The following PATL1 variants were observed in gnomAD, a reference collection of about 807,000 sequenced individuals.
PATL1 encodes PAT1 homolog 1, processing body mRNA decay factor.
In PATL1, 32 loss-of-function variants were observed where a neutral mutation model predicts 100.6. The ratio of observed to expected loss-of-function variants is 0.32; its 90% CI spans 0.24 to 0.43. PATL1 has a LOEUF of 0.43. Ranked by LOEUF, PATL1 falls within the 20% of genes least tolerant of loss-of-function variation. PATL1 has a pLI of 1.00. For missense variants in PATL1, 747 were observed against 949.9 expected (o/e 0.79, Z 2.81); for synonymous variants, 332 against 330.0 (o/e 1.01, Z -0.07).
intron 16 of PATL1, among the ~76,000 whole-genome samples, chr11:59,641,040 C>T (rs532851065): frequency 1.2e-4 from 18 of 152,064 alleles, no homozygotes; most frequent in African/African-American, 3.1e-4. Context: ...GGTATGGTGG[C>T]GGGCACCTGT....
chr11:59,640,716 T>A (rs1490297950), intron 16 of PATL1, among the ~76,000 whole-genome samples: 2 of 144,342 alleles, frequency 1.4e-5, no homozygotes, highest in Non-Finnish European at 3.0e-5. Flanking sequence ...CAAGACTCTA[T>A]CTCAAAAGAA....
At chr11:59,639,407 C>G in intron 16 of PATL1, 24 bp from the exon 17 acceptor site, 2 of 1,523,472 alleles carry the variant, frequency 1.3e-6, no homozygotes, top group Non-Finnish European at 1.8e-6. Flanking sequence ...CAGAGGGAAT[C>G]AAACTCAACA....
intron 11 of PATL1, among the ~76,000 whole-genome samples, chr11:59,651,947 C>A (rs540616064): frequency 1.3e-5 from 2 of 151,500 alleles, no homozygotes; most frequent in East Asian, 3.9e-4. Context: ...CGCCTGTAAT[C>A]CCAGCTACTC....
At chr11:59,648,557 A>G (rs1299180958) in intron 14 of PATL1, among the ~76,000 whole-genome samples, 1 of 151,920 alleles carries the variant, frequency 6.6e-6, no homozygotes, top group Non-Finnish European at 1.5e-5. Flanking sequence ...ACATTCGTCA[A>G]CTCAGAGTTA....
intron 1 of PATL1, among the ~76,000 whole-genome samples, chr11:59,667,868 A>G (rs1456783835): frequency 6.6e-6 from 1 of 152,218 alleles, no homozygotes; most frequent in Non-Finnish European, 1.5e-5. Flanking sequence ...GATCATTCCT[A>G]TCAAGTATAC....
Position 59,637,720 on chromosome 11 carries a change from T to C in PATL1, c.*670A>G, listed in dbSNP as rs1264646473. ...AAGCCAATTAAGAGTTCTGATTTTATTAAACGTGCTGCATACTCTTTATTT... is the reference window on the plus strand; with the variant it reads ...AAGCCAATTAAGAGTTCTGATTTTACTAAACGTGCTGCATACTCTTTATTT... On this transcript the variant is annotated 3_prime_UTR_variant, in exon 19 of 19. Coordinates refer to ENST00000300146, the MANE Select transcript of PATL1 (RefSeq NM_152716.3). The C allele has an allele frequency of 2.6e-5, 4 of 152,294 alleles. No homozygotes were observed. Among genetic ancestry groups the C allele is most frequent in the African/African-American group, 9.6e-5 (4 of 41,458 alleles). The allele number at this position is 152,294 out of a possible 1,614,324, so 9.4% of individuals were successfully genotyped here. A position where few individuals can be genotyped will look rare whatever the true frequency, so the allele number is the denominator to read the frequency against.
intron 14 of PATL1, among the ~76,000 whole-genome samples, chr11:59,648,319 G>A (rs1226572111): frequency 5.3e-5 from 8 of 150,340 alleles, no homozygotes; most frequent in African/African-American, 7.3e-5. Flanking sequence ...CTGAGCAGCC[G>A]GGATTATAGA....
In PATL1 at chr11:59,642,870, G is replaced by A. The variant is rs753928482; in HGVS notation, c.2049+10C>T. 161 of 1,608,500 alleles carry A rather than the reference G, an allele frequency of 1.0e-4. No individual in the cohort carries two copies. Among genetic ancestry groups the A allele is most frequent in the Non-Finnish European group, 1.1e-4 (125 of 1,177,202 alleles). On this transcript the variant is annotated intron_variant, in intron 16 of 18. Transcript: ENST00000300146. ...TCACAAAGTTCAAGGAGTTAAAAGGGCAAGATCACCTTGTTCTGGAGCACA... is the reference window on the plus strand; with the variant it reads ...TCACAAAGTTCAAGGAGTTAAAAGGACAAGATCACCTTGTTCTGGAGCACA...
intron 9 of PATL1, 105 bp from the exon 10 acceptor site, chr11:59,653,123 C>T: frequency 1.0e-6 from 1 of 982,144 alleles, no homozygotes; most frequent in African/African-American, 1.6e-5. Flanking sequence ...TTAAAGATTC[C>T]CGTTTGCTTT....
chr11:59,658,933 CTTCCTG>C lies in PATL1; in HGVS notation c.353_358del (p.Pro118_Ser120delinsArg). On this transcript the variant is annotated inframe_deletion, in exon 4 of 19. Transcript: ENST00000300146. ...TCCATCCCAGATACTGGAATTCAGA[CTTCCTG>C]GTTGGGGCTAACAAAAAAGGAAAAC... is the stretch of plus-strand genomic sequence containing the variant. 1 of 1,550,060 alleles carries C rather than the reference CTTCCTG, an allele frequency of 6.5e-7. No homozygotes were observed. Among genetic ancestry groups the C allele is most frequent in the South Asian group, 1.2e-5 (1 of 83,598 alleles).
rs982151352 is a variant in PATL1 at position 59,637,597 on chromosome 11, A to G, written c.*793T>C. 1.3e-5 allele frequency: 2 copies of G among 152,634 alleles called. No homozygotes were observed. The highest frequency in any genetic ancestry group is 2.4e-5 in the African/African-American group (1 of 41,466). 9.5% of individuals were successfully genotyped at this position (152,634 alleles called of 1,614,324 possible). A position where few individuals can be genotyped will look rare whatever the true frequency, so the allele number is the denominator to read the frequency against. ...AAGTACCCTGTAGTTGTAGCAGGAAAAAGACATAACCATGTGTTGTTTCGA... is the reference window on the plus strand; with the variant it reads ...AAGTACCCTGTAGTTGTAGCAGGAAGAAGACATAACCATGTGTTGTTTCGA... On this transcript the variant is annotated 3_prime_UTR_variant, in exon 19 of 19. Transcript: ENST00000300146.
rs761920030 is a variant in PATL1, at chr11:59,647,821, G to A, written c.1826C>T (p.Ala609Val). The A allele has an allele frequency of 4.2e-5, 67 of 1,613,800 alleles. No individual in the cohort carries two copies. The highest frequency in any genetic ancestry group is 5.5e-5 in the Non-Finnish European group (65 of 1,179,836). ...RILPFLSTEQAADILMTTARN... is the reference protein window; with the variant it reads ...RILPFLSTEQVADILMTTARN... ...GGCTGTTGTCATGAGAATGTCAGCT[G>A]CTTGCTCTGTGGAGAGGAAAGGAAG... The change falls in exon 15 of 19, where the codon GCA becomes GTA. Residue 609 changes from alanine to valine, a missense_variant. Ala to Val is a moderately conservative substitution (Grantham distance 64). Coordinates refer to ENST00000300146, the MANE Select transcript of PATL1 (RefSeq NM_152716.3).
At chr11:59,651,518 A>G (rs571775903) in intron 12 of PATL1, 26 bp downstream of exon 12, 2 of 1,558,162 alleles carry the variant, frequency 1.3e-6, no homozygotes, top group East Asian at 4.5e-5. Flanking sequence ...AGACGTTCTT[A>G]AACAGACAAT....
chr11:59,650,721 G>C, intron 13 of PATL1, 33 bp downstream of exon 13: 1 of 1,469,458 alleles, frequency 6.8e-7, no homozygotes, highest in Non-Finnish European at 9.3e-7. Flanking sequence ...TTCCGTATTT[G>C]AAACTAACTA....
In PATL1 at chr11:59,649,616, A is replaced by C; in HGVS notation, c.1585-6T>G. On this transcript the variant is annotated splice_polypyrimidine_tract_variant and splice_region_variant and intron_variant, in intron 13 of 18. Coordinates refer to ENST00000300146, the MANE Select transcript of PATL1 (RefSeq NM_152716.3). ...TCAAGGAGTAAGCTGTAGGTCTAAGAAGGGAGACAAAAGCAGGCCACAGCA... is the reference window on the plus strand; with the variant it reads ...TCAAGGAGTAAGCTGTAGGTCTAAGCAGGGAGACAAAAGCAGGCCACAGCA... The C allele has an allele frequency of 3.1e-6, 5 of 1,610,844 alleles. No individual in the cohort carries two copies. Among genetic ancestry groups the C allele is most frequent in the Non-Finnish European group, 4.2e-6 (5 of 1,178,388 alleles).
chr11:59,638,486 A>G, intron 18 of PATL1, 75 bp from the exon 19 acceptor site: 1 of 1,323,384 alleles, frequency 7.6e-7, no homozygotes. Flanking sequence ...TATTACAGTT[A>G]CATCTTTGTA....
At chr11:59,649,370 G>C in intron 14 of PATL1, 92 bp downstream of exon 14, 7 of 1,312,466 alleles carry the variant, frequency 5.3e-6, no homozygotes, top group Non-Finnish European at 7.4e-6. Context: ...AGATGGTAGG[G>C]AAGTGTACCT....
At chr11:59,653,062 T>C in intron 9 of PATL1, 44 bp from the exon 10 acceptor site, 1 of 1,508,434 alleles carries the variant, frequency 6.6e-7, no homozygotes, top group South Asian at 1.3e-5. Flanking sequence ...GCAAATTAAT[T>C]ACGCTTTTTA....
intron 2 of PATL1, among the ~76,000 whole-genome samples, chr11:59,664,606 G>A (rs558253866): frequency 1.3e-5 from 2 of 152,250 alleles, no homozygotes; most frequent in South Asian, 2.1e-4. Context: ...ACAAGGTCTC[G>A]CTCTGTTACC....
Sources: allele counts gnomAD v4.1 joint callset (sites outside exome capture counted in the v4.1 genomes callset), GRCh38; gene constraint gnomAD v4.1.1; transcripts MANE v1.5; gene names NCBI Gene and HGNC (gene_info 2026-07-23, HGNC 2026-07-21).